Variants in RELN observed in about 807,000 individuals in gnomAD.
The protein encoded by RELN is reelin.
In RELN, 108 loss-of-function variants were observed where a neutral mutation model predicts 427.6. That is an observed-to-expected ratio of 0.25 (90% CI 0.22 to 0.30). The LOEUF is 0.30. Among genes scored for constraint, RELN ranks in the 10% least tolerant of loss-of-function variants. The pLI, the probability that RELN is intolerant of heterozygous loss-of-function variation, is 1.00. For synonymous variants in RELN, 1,524 were observed against 1,513.4 expected (o/e 1.01, Z -0.16); for missense variants, 3,715 against 4,302.8 (o/e 0.86, Z 3.82).
At chr7:103,828,784 T>C (rs1793205485) in intron 3 of RELN, among the ~76,000 whole-genome samples, 1 of 152,080 alleles carries the variant, frequency 6.6e-6, no homozygotes, top group South Asian at 2.1e-4. Flanking sequence ...AATTCAATAA[T>C]ATTTCTATAT....
intron 1 of RELN, among the ~76,000 whole-genome samples, chr7:103,952,740 G>A (rs774654656): frequency 2.0e-5 from 3 of 152,158 alleles, no homozygotes; most frequent in Non-Finnish European, 2.9e-5. Flanking sequence ...TTACAAAGTA[G>A]CTGTTTATAT....
intron 1 of RELN, among the ~76,000 whole-genome samples, chr7:103,975,750 G>T (rs1311337249): frequency 6.8e-6 from 1 of 146,892 alleles, no homozygotes; most frequent in Non-Finnish European, 1.5e-5. Flanking sequence ...GTAGAGACGT[G>T]TTAGCCAGGA....
At chr7:103,961,537 T>TA (rs972018936) in intron 1 of RELN, among the ~76,000 whole-genome samples, 42 of 152,352 alleles carry the variant, frequency 2.8e-4, no homozygotes, top group African/African-American at 9.1e-4. Flanking sequence ...GGTGTATTCT[T>TA]ACAAGCTCAA....
At chr7:103,834,020 T>C (rs1030928963) in intron 2 of RELN, among the ~76,000 whole-genome samples, 1 of 152,060 alleles carries the variant, frequency 6.6e-6, no homozygotes, top group African/African-American at 2.4e-5. Flanking sequence ...CCAAACGCCA[T>C]AGGGAGGTGG....
rs116716038 is a variant in RELN at position 103,545,304 on chromosome 7, C to T, written c.6343G>A (p.Gly2115Ser). 2,320 of 1,614,028 alleles carry T rather than the reference C, an allele frequency of 1.4e-3. 33 individuals are homozygous for T. The African/African-American group carries it at 0.025, about 17-fold the overall frequency. ...ATGGCCCATGTCACTGGCTGAGAGC[C>T]GGCAGGGTAAAATCCCTGGTACCAT... is the stretch of plus-strand genomic sequence containing the variant. ...FRWYQGFYPA[G>S]SQPVTWAIDN... Residue 2115 changes from glycine to serine, a missense_variant, in exon 42 of 65, where the codon GGC becomes AGC. Physicochemically the swap from Gly to Ser is moderately conservative, Grantham distance 56 (BLOSUM62 0). Around this residue, in one of 4 missense-constraint regions of RELN, gnomAD observed 1,310 missense variants for 1,643.0 expected, o/e 0.80. Coordinates refer to ENST00000428762, the MANE Select transcript of RELN (RefSeq NM_005045.4).
chr7:103,485,674 T>G (rs1252786015), intron 61 of RELN, among the ~76,000 whole-genome samples: 1 of 152,180 alleles, frequency 6.6e-6, no homozygotes, highest in African/African-American at 2.4e-5. Flanking sequence ...CTCTGCCCAC[T>G]CTACTCTGCA....
At chr7:103,910,491 G>C (rs958321040) in intron 2 of RELN, among the ~76,000 whole-genome samples, 2 of 151,770 alleles carry the variant, frequency 1.3e-5, no homozygotes, top group East Asian at 3.9e-4. Flanking sequence ...TCACAGAATT[G>C]GAAAAAACTA....
chr7:103,752,064 G>A lies in RELN; in HGVS notation c.577+1118C>T, dbSNP rs564678275. The stretch of plus-strand genomic sequence containing the variant: ...ACAAAGGCAATGGGTAAGCCTCATT[G>A]GATACCTGTTTGTGTATTGATTTAC... On this transcript the variant is annotated intron_variant, in intron 5 of 64. Coordinates refer to ENST00000428762, the MANE Select transcript of RELN (RefSeq NM_005045.4). Among the ~76,000 whole-genome samples, 4 of 152,166 alleles carry A rather than the reference G, an allele frequency of 2.6e-5. No individual in the cohort carries two copies. In the South Asian group the frequency reaches 8.3e-4, roughly 32 times the overall value.
chr7:103,695,812 T>C (rs1047090829), intron 10 of RELN, among the ~76,000 whole-genome samples: 7 of 152,226 alleles, frequency 4.6e-5, no homozygotes, highest in South Asian at 4.1e-4. Flanking sequence ...TGACATACGC[T>C]ATTCTGACGA....
At chr7:103,644,439 A>G in intron 16 of RELN, among the ~76,000 whole-genome samples, 1 of 150,848 alleles carries the variant, frequency 6.6e-6, no homozygotes, top group South Asian at 2.1e-4. Context: ...CCCAAACCCC[A>G]AACAAAACTT....
At chr7:103,552,680 T>G (rs1830439931) in intron 40 of RELN, among the ~76,000 whole-genome samples, 1 of 151,942 alleles carries the variant, frequency 6.6e-6, no homozygotes, top group Admixed American at 6.6e-5. Flanking sequence ...TTTTTGTATT[T>G]TTAGTGAGAC....
chr7:103,842,265 A>C (rs1179502387), intron 2 of RELN, among the ~76,000 whole-genome samples: 1 of 152,126 alleles, frequency 6.6e-6, no homozygotes, highest in Non-Finnish European at 1.5e-5. Context: ...TTAATAAAAA[A>C]AAAAAACACA....
At chr7:103,549,369 G>A (rs1242461338) in intron 41 of RELN, among the ~76,000 whole-genome samples, 2 of 152,168 alleles carry the variant, frequency 1.3e-5, no homozygotes, top group African/African-American at 4.8e-5. Flanking sequence ...TAAGGGCACT[G>A]ATGCCAATCA....
intron 1 of RELN, among the ~76,000 whole-genome samples, chr7:103,979,889 C>G (rs962863187): frequency 6.6e-6 from 1 of 152,160 alleles, no homozygotes; most frequent in Non-Finnish European, 1.5e-5. Flanking sequence ...TGGCCAGGCG[C>G]GATGGCTCAC....
chr7:103,611,768 C>G lies in RELN; in HGVS notation c.2738G>C (p.Arg913Pro), dbSNP rs764757536. ...TGDSKLASSM[R>P]YVETQSMQIG... ...CTGCATTGATTGTGTTTCCACATAG[C>G]GCATACTTGAGGCAAGTTTAGAATC... The change falls in exon 21 of 65, where the codon CGC becomes CCC. Residue 913 changes from arginine (R) to proline (P), a missense_variant. This residue lies in a region of RELN where 2,208 missense variants were observed against 2,361.7 expected (regional missense o/e 0.93). Coordinates refer to ENST00000428762, the MANE Select transcript of RELN (RefSeq NM_005045.4). The G allele has an allele frequency of 2.5e-6, 4 of 1,613,684 alleles. No homozygotes were observed. Among genetic ancestry groups the G allele is most frequent in the African/African-American group, 2.7e-5 (2 of 74,868 alleles).
chr7:103,478,954 C>T (rs980408356), intron 63 of RELN, among the ~76,000 whole-genome samples: 1 of 152,146 alleles, frequency 6.6e-6, no homozygotes, highest in Non-Finnish European at 1.5e-5. Flanking sequence ...CGATGGAACT[C>T]ATTTTAAATT....
intron 8 of RELN, among the ~76,000 whole-genome samples, chr7:103,701,520 T>G (rs1834091629): frequency 6.6e-6 from 1 of 152,126 alleles, no homozygotes; most frequent in African/African-American, 2.4e-5. Flanking sequence ...CTCTTATGGA[T>G]GTGATTGATA....
At chr7:103,801,770 G>A (rs1374065622) in intron 3 of RELN, among the ~76,000 whole-genome samples, 2 of 151,182 alleles carry the variant, frequency 1.3e-5, no homozygotes, top group African/African-American at 4.9e-5. Context: ...ACTAATGATA[G>A]TACCCACCTC....
At chr7:103,500,491 G>A (rs952416038) in intron 53 of RELN, among the ~76,000 whole-genome samples, 20 of 151,458 alleles carry the variant, frequency 1.3e-4, no homozygotes, top group Non-Finnish European at 2.1e-4. Flanking sequence ...AAAAAAAAAA[G>A]AAACCCAGAG....
Sources: allele counts gnomAD v4.1 joint callset (sites outside exome capture counted in the v4.1 genomes callset), GRCh38; gene constraint gnomAD v4.1.1; regional missense constraint gnomAD v4.1.1; transcripts MANE v1.5; gene names NCBI Gene and HGNC (gene_info 2026-07-23, HGNC 2026-07-21).